SEPTIN12: variants seen among roughly 807,000 people sequenced by gnomAD.
The protein encoded by SEPTIN12 is septin 12.
SEPTIN12 carries 42 observed loss-of-function variants against 37.7 expected under a neutral mutation model. That is an observed-to-expected ratio of 1.11 (90% CI 0.87 to 1.44). The LOEUF (loss-of-function observed/expected upper bound fraction) is 1.44. Ranked by LOEUF, SEPTIN12 falls within the 40% of genes most tolerant of loss-of-function variation. The pLI is 0.00. For missense variants in SEPTIN12, 613 were observed against 479.2 expected (o/e 1.28, Z -2.61); for synonymous variants, 254 against 196.7 (o/e 1.29, Z -2.44).
In SEPTIN12 at chr16:4,785,905, G is replaced by A. The variant is rs746645740; in HGVS notation, c.293-17C>T. 2.5e-6 allele frequency: 4 copies of A among 1,601,368 alleles called. No homozygotes were observed. The highest frequency in any genetic ancestry group is 2.3e-5 in the East Asian group (1 of 44,430). ...CCTCTATGACTGTGGAGGGAGAGCA[G>A]AGTCGGGAGAGACTGGACCCAGGTG... On this transcript the variant is annotated splice_polypyrimidine_tract_variant and intron_variant, in intron 3 of 9. Transcript: ENST00000268231.
chr16:4,790,498 G>A (rs2082535387), upstream of SEPTIN12, among the ~76,000 whole-genome samples: 2 of 152,126 alleles, frequency 1.3e-5, no homozygotes, highest in Admixed American at 1.3e-4. Flanking sequence ...AGGCTTAGAG[G>A]CTAGGGGTCA....
At chr16:4,779,223 A>G (rs917614781) in intron 8 of SEPTIN12, among the ~76,000 whole-genome samples, 14 of 151,118 alleles carry the variant, frequency 9.3e-5, no homozygotes, top group Admixed American at 2.0e-4. Flanking sequence ...TAGCTCCCTA[A>G]GGCAGTCTCC....
intron 4 of SEPTIN12, chr16:4,784,275 T>C (rs753220625): frequency 1.7e-6 from 1 of 583,606 alleles, no homozygotes; most frequent in Non-Finnish European, 3.1e-6. Context: ...TCGGCTTCAC[T>C]GTCTGTAAAA....
intron 7 of SEPTIN12, among the ~76,000 whole-genome samples, chr16:4,780,832 G>C (rs537106889): frequency 2.0e-5 from 3 of 152,156 alleles, no homozygotes; most frequent in African/African-American, 2.4e-5. Context: ...TAAAAAATTA[G>C]CTGGGTGTGG....
At chr16:4,785,613 A>C (rs945150411) in intron 4 of SEPTIN12, 194 bp downstream of exon 4, 3 of 562,338 alleles carry the variant, frequency 5.3e-6, no homozygotes, top group Admixed American at 3.0e-5. Context: ...ATCTCAACTA[A>C]AAATACAAAA....
intron 2 of SEPTIN12, 28 bp downstream of exon 2, chr16:4,787,452 C>T: frequency 6.2e-7 from 1 of 1,607,990 alleles, no homozygotes; most frequent in Non-Finnish European, 8.5e-7. Flanking sequence ...GTGGGTCTGT[C>T]CTGCCGTGGG....
At chr16:4,778,214 C>G in intron 8 of SEPTIN12, 77 bp from the exon 9 acceptor site, 1 of 1,439,656 alleles carries the variant, frequency 6.9e-7, no homozygotes, top group Non-Finnish European at 9.8e-7. Flanking sequence ...CCACCTGACA[C>G]CATTTCCCTT....
chr16:4,780,335 G>A (rs1321867955), intron 7 of SEPTIN12, among the ~76,000 whole-genome samples: 3 of 151,802 alleles, frequency 2.0e-5, no homozygotes, highest in Non-Finnish European at 2.9e-5. Context: ...TGATCCTCCC[G>A]CCTCTGCCTT....
intron 5 of SEPTIN12, 31 bp from the exon 6 acceptor site, chr16:4,783,797 C>CGGTGGT: frequency 6.4e-7 from 1 of 1,568,596 alleles, no homozygotes; most frequent in Non-Finnish European, 8.8e-7. Flanking sequence ...ATGGGGGTGG[C>CGGTGGT]GGTGGTGGTG....
intron 4 of SEPTIN12, among the ~76,000 whole-genome samples, chr16:4,784,612 A>G (rs981779186): frequency 4.0e-5 from 6 of 151,820 alleles, no homozygotes; most frequent in African/African-American, 1.5e-4. Flanking sequence ...TCTACAAAAA[A>G]TACACAAATT....
rs901239387 is a variant in SEPTIN12, at chr16:4,787,995, T to G, written c.-23+285A>C. On this transcript the variant is annotated intron_variant, in intron 1 of 9. Transcript: ENST00000268231. The stretch of plus-strand genomic sequence containing the variant: ...GCCAGGCAAAGTCCAGGATGGGTGT[T>G]TGCAGCCAGGCTGGAGTCCTGGAGG... 3.3e-5 allele frequency: 8 copies of G among 239,268 alleles called. No individual in the cohort carries two copies. In the South Asian group the frequency reaches 5.6e-4, roughly 17 times the overall value. The allele number at this position is 239,268 out of a possible 1,614,324, so 14.8% of individuals were successfully genotyped here. A position where few individuals can be genotyped will look rare whatever the true frequency, so the allele number is the denominator to read the frequency against.
intron 4 of SEPTIN12, 52 bp downstream of exon 4, chr16:4,785,755 G>A (rs368383824): frequency 9.6e-6 from 13 of 1,347,372 alleles, no homozygotes; most frequent in East Asian, 6.9e-5. Flanking sequence ...TCCAGCCTGG[G>A]TGACAAGAGT....
At chr16:4,786,230 A>G (rs1207393883) in intron 2 of SEPTIN12, 125 bp from the exon 3 acceptor site, 3 of 1,239,272 alleles carry the variant, frequency 2.4e-6, no homozygotes, top group Non-Finnish European at 3.3e-6. Flanking sequence ...CTGGAGTGCA[A>G]TGATGCAATC....
chr16:4,786,179 T>C, intron 2 of SEPTIN12, 74 bp from the exon 3 acceptor site: 1 of 1,508,852 alleles, frequency 6.6e-7, no homozygotes, highest in Non-Finnish European at 8.9e-7. Context: ...TTTACTTTTC[T>C]ATTTTATTTT....
chr16:4,785,585 C>A (rs912498263), intron 4 of SEPTIN12: 16 of 509,078 alleles, frequency 3.1e-5, no homozygotes, highest in Admixed American at 6.4e-5. Flanking sequence ...ACCAGCCTGG[C>A]CAACATGGTG....
At position 4,786,106 on chromosome 16, in the gene SEPTIN12, C is replaced by T. The variant is rs953843939; in HGVS notation, c.167-1G>A. The T allele has an allele frequency of 1.3e-6, 2 of 1,598,598 alleles. No individual in the cohort carries two copies. Among genetic ancestry groups the T allele is most frequent in the Non-Finnish European group, 1.7e-6 (2 of 1,170,732 alleles). ...GTGGACTTGCCCAGCCCGCTTTGCCCTGGGAGTGGCAACCGGATGACAGCA... is the reference window on the plus strand; with the variant it reads ...GTGGACTTGCCCAGCCCGCTTTGCCTTGGGAGTGGCAACCGGATGACAGCA... On this transcript the variant is annotated splice_acceptor_variant, in intron 2 of 9. Transcript: ENST00000268231. LOFTEE classifies it high-confidence loss of function.
At chr16:4,785,653 T>G (rs2082429127) in intron 4 of SEPTIN12, 154 bp downstream of exon 4, 1 of 615,768 alleles carries the variant, frequency 1.6e-6, no homozygotes, top group Non-Finnish European at 2.9e-6. Context: ...GGCGGGCGCC[T>G]GTAATCCCAG....
At position 4,785,654 on chromosome 16, in the gene SEPTIN12, G is replaced by C; in HGVS notation, c.374+153C>G. On this transcript the variant is annotated intron_variant, in intron 4 of 9. Coordinates refer to ENST00000268231, the MANE Select transcript of SEPTIN12 (RefSeq NM_144605.5). ...TAGCTGGGCGTGGTGGCGGGCGCCTGTAATCCCAGCTACTTCGGGAGGCTG... is the reference window on the plus strand; with the variant it reads ...TAGCTGGGCGTGGTGGCGGGCGCCTCTAATCCCAGCTACTTCGGGAGGCTG... 3 of 619,600 alleles carry C rather than the reference G, an allele frequency of 4.8e-6. No homozygotes were observed. In the South Asian group the frequency reaches 5.9e-5, roughly 12 times the overall value. The allele number at this position is 619,600 out of a possible 1,614,324, so 38.4% of individuals were successfully genotyped here. A position where few individuals can be genotyped will look rare whatever the true frequency, so the allele number is the denominator to read the frequency against.
chr16:4,777,705 G>C lies in SEPTIN12; in HGVS notation c.*92C>G, dbSNP rs2082325954. On this transcript the variant is annotated 3_prime_UTR_variant, in exon 10 of 10. Coordinates refer to ENST00000268231, the MANE Select transcript of SEPTIN12 (RefSeq NM_144605.5). Reference sequence around the variant, plus strand: ...AAGCACAGCTTTTCATAAAAAGCAAGGCTCACATTTAATAGATGCTCTGGT... The same window carrying C: ...AAGCACAGCTTTTCATAAAAAGCAACGCTCACATTTAATAGATGCTCTGGT... The C allele has an allele frequency of 1.1e-6, 1 of 950,956 alleles. No homozygotes were observed. The highest frequency in any genetic ancestry group is 1.5e-6 in the Non-Finnish European group (1 of 649,870). 58.9% of individuals were successfully genotyped at this position (950,956 alleles called of 1,614,324 possible). A position where few individuals can be genotyped will look rare whatever the true frequency, so the allele number is the denominator to read the frequency against.
Sources: gnomAD v4.1 joint callset for allele counts (sites outside exome capture counted in the v4.1 genomes callset) on GRCh38, gnomAD v4.1.1 for gene constraint, MANE v1.5 for transcripts, NCBI Gene and HGNC (gene_info 2026-07-23, HGNC 2026-07-21) for gene names.